TCERG1: variants seen among roughly 807,000 people sequenced by gnomAD.
TCERG1 encodes transcription elongation regulator 1.
TCERG1 carries 37 observed loss-of-function variants against 144.7 expected under a neutral mutation model. The ratio of observed to expected loss-of-function variants is 0.26; its 90% CI spans 0.20 to 0.34. The LOEUF is 0.34. Among genes scored for constraint, TCERG1 ranks in the 10% least tolerant of loss-of-function variants. The pLI is 1.00. For missense variants in TCERG1, 1,027 were observed against 1,380.7 expected, an observed-to-expected ratio of 0.74 and a Z score of 4.06; for synonymous variants, 492 against 458.2, an observed-to-expected ratio of 1.07 and a Z score of -0.94.
chr5:146,482,867 T>C, intron 14 of TCERG1, 140 bp downstream of exon 14: 1 of 1,192,904 alleles, frequency 8.4e-7, no homozygotes, highest in Non-Finnish European at 1.1e-6. Context: ...GTACATTTTT[T>C]GCAACAGCCT....
At chr5:146,509,925 GCACGGGAGGC>G (rs2150953756) in intron 22 of TCERG1, 3 of 519,156 alleles carry the variant, frequency 5.8e-6, no homozygotes, top group Admixed American at 3.7e-5. Context: ...AAGGGTATGT[GCACGGGAGGC>G]TAGATAGTGC....
chr5:146,469,486 T>G, intron 6 of TCERG1, 58 bp from the exon 7 acceptor site: 1 of 1,391,568 alleles, frequency 7.2e-7, no homozygotes, highest in South Asian at 1.5e-5. Context: ...TATTTTAGAG[T>G]TTTATTTTGT....
rs59508893 is a variant in TCERG1, at chr5:146,472,701, T to TTGTGTGTGTGTG, written c.1601+1141_1601+1152dup. Reference sequence around the variant, plus strand: ...AAGGAAGAGTCACATACCTCTCACTTTGTGTGTGTGTGTGTGTGTGTGTGT... The same window carrying TTGTGTGTGTGTG: ...AAGGAAGAGTCACATACCTCTCACTTTGTGTGTGTGTGTGTGTGTGTGTGTGTGTGTGTGTGT... On this transcript the variant is annotated intron_variant, in intron 9 of 22. Coordinates refer to ENST00000679501, the MANE Select transcript of TCERG1 (RefSeq NM_001382548.1). 9.6e-3 allele frequency among the ~76,000 whole-genome samples: 1,400 copies of TTGTGTGTGTGTG among 146,024 alleles called. 19 individuals carry two copies. The highest frequency in any genetic ancestry group is 0.039 in the Admixed American group (573 of 14,636).
intron 21 of TCERG1, among the ~76,000 whole-genome samples, chr5:146,508,502 C>G (rs780726656): frequency 5.9e-5 from 9 of 152,148 alleles, no homozygotes; most frequent in Non-Finnish European, 1.2e-4. Flanking sequence ...ATCTAATATT[C>G]TTCCCCCTCA....
At chr5:146,472,505 C>T (rs1764408599) in intron 9 of TCERG1, among the ~76,000 whole-genome samples, 1 of 152,068 alleles carries the variant, frequency 6.6e-6, no homozygotes, top group Non-Finnish European at 1.5e-5. Flanking sequence ...ACAAACCACA[C>T]CCATGTAAGA....
At position 146,470,675 on chromosome 5, in the gene TCERG1, C is replaced by A; in HGVS notation, c.1439C>A (p.Pro480His). 6.2e-7 allele frequency: 1 copy of A among 1,612,996 alleles called. No homozygotes were observed. Among genetic ancestry groups the A allele is most frequent in the South Asian group, 1.1e-5 (1 of 90,814 alleles). Residue 480 changes from proline to histidine, a missense_variant, in exon 8 of 23, where the codon CCC becomes CAC. Pro to His is a moderately conservative substitution (Grantham distance 77). Coordinates refer to ENST00000679501, the MANE Select transcript of TCERG1 (RefSeq NM_001382548.1). ...EEKIKEPIKE[P>H]SEEPLPMETE... ...AAGATTAAAGAGCCAATTAAAGAAC[C>A]CTCTGAAGAGCCTCTGCCAATGGAG...
chr5:146,468,479 T>G (rs1763987685), intron 6 of TCERG1, 76 bp downstream of exon 6: 4 of 1,437,578 alleles, frequency 2.8e-6, no homozygotes, highest in Non-Finnish European at 2.9e-6. Context: ...TATCCTTTTA[T>G]TTATTTTTTG....
At chr5:146,486,077 T>A (rs1765799991) in intron 15 of TCERG1, among the ~76,000 whole-genome samples, 1 of 151,834 alleles carries the variant, frequency 6.6e-6, no homozygotes, top group African/African-American at 2.4e-5. Flanking sequence ...ATTTGGCATT[T>A]AAAAATAAAC....
In TCERG1 at chr5:146,459,305, C is replaced by A. The variant is rs760752160; in HGVS notation, c.860C>A (p.Thr287Lys). The change falls in exon 4 of 23, where the codon ACA (threonine) becomes AAA (lysine). Residue 287 changes from threonine to lysine, a missense_variant. By Grantham distance (78) the Thr-to-Lys change is moderately conservative. This residue lies in a region of TCERG1 where 187 missense variants were observed against 169.1 expected (regional missense o/e 1.11). Transcript: ENST00000679501. ...CCTTCCTCTACCACTTCTACCACAA[C>A]AACTGCTACTTCAGTTGCGCAGACA... ...STPSSTTSTTTTATSVAQTVS... is the reference protein window; with the variant it reads ...STPSSTTSTTKTATSVAQTVS... 6.2e-7 allele frequency: 1 copy of A among 1,614,226 alleles called. No homozygotes were observed. The highest frequency in any genetic ancestry group is 8.5e-7 in the Non-Finnish European group (1 of 1,180,032).
At chr5:146,496,379 G>C (rs1329638446) in intron 16 of TCERG1, among the ~76,000 whole-genome samples, 2 of 151,926 alleles carry the variant, frequency 1.3e-5, no homozygotes, top group Non-Finnish European at 2.9e-5. Flanking sequence ...ACATATATTA[G>C]TGTTTGATAT....
chr5:146,469,096 A>G (rs960017616), intron 6 of TCERG1, among the ~76,000 whole-genome samples: 1 of 152,176 alleles, frequency 6.6e-6, no homozygotes, highest in Non-Finnish European at 1.5e-5. Flanking sequence ...CATTTGCTAT[A>G]AAACTGAGAA....
intron 1 of TCERG1, among the ~76,000 whole-genome samples, chr5:146,450,057 A>G (rs1177983476): frequency 6.6e-6 from 1 of 152,246 alleles, no homozygotes; most frequent in Admixed American, 6.5e-5. Context: ...CCATGCTGGT[A>G]TATAGGAACT....
intron 16 of TCERG1, among the ~76,000 whole-genome samples, chr5:146,494,255 G>C (rs561639426): frequency 9.2e-5 from 14 of 152,166 alleles, no homozygotes; most frequent in African/African-American, 3.4e-4. Flanking sequence ...TAATTTTCTT[G>C]GGTATTGTGG....
intron 5 of TCERG1, among the ~76,000 whole-genome samples, chr5:146,468,012 C>A (rs1002682411): frequency 5.3e-5 from 8 of 152,098 alleles, no homozygotes; most frequent in Non-Finnish European, 1.5e-5. Context: ...GGTTTGATGT[C>A]CTGTGGGAAA....
rs186389497 is a variant in TCERG1 at position 146,473,866 on chromosome 5, G to A, written c.1601+2290G>A. Among the ~76,000 whole-genome samples the A allele has an allele frequency of 8.5e-5, 13 of 152,272 alleles. No individual in the cohort carries two copies. The East Asian group carries it at 2.3e-3, about 27-fold the overall frequency. ...AAGCACCTCTTCACCCAAGAGCTGTGATGGAAATGTACAAGGAGATGAATG... is the reference window on the plus strand; with the variant it reads ...AAGCACCTCTTCACCCAAGAGCTGTAATGGAAATGTACAAGGAGATGAATG... On this transcript the variant is annotated intron_variant, in intron 9 of 22. Transcript: ENST00000679501.
chr5:146,447,493 C>A, intron 1 of TCERG1, 85 bp downstream of exon 1: 1 of 1,515,064 alleles, frequency 6.6e-7, no homozygotes, highest in Non-Finnish European at 8.9e-7. Context: ...AGATCCGGGG[C>A]GGACGGTGGG....
At chr5:146,456,539 A>G (rs1029488545) in intron 2 of TCERG1, among the ~76,000 whole-genome samples, 1 of 152,178 alleles carries the variant, frequency 6.6e-6, no homozygotes, top group Non-Finnish European at 1.5e-5. Context: ...TATAACCTAG[A>G]TCTGGTGTGC....
In TCERG1 at chr5:146,454,968, T is replaced by C. The variant is rs1267296491; in HGVS notation, c.60-88T>C. 4 of 1,420,644 alleles carry C rather than the reference T, an allele frequency of 2.8e-6. No homozygotes were observed. The Admixed American group carries it at 6.1e-5, about 22-fold the overall frequency. The allele number at this position is 1,420,644 out of a possible 1,614,324, so 88.0% of individuals were successfully genotyped here. On this transcript the variant is annotated intron_variant, in intron 1 of 22. Coordinates refer to ENST00000679501, the MANE Select transcript of TCERG1 (RefSeq NM_001382548.1). ...CAACTCCACTTAGACTTAAGAACCT[T>C]TTAAATTTGATGGATGTAATTAGAG...
Position 146,455,235 on chromosome 5 carries a change from C to T in TCERG1, c.239C>T (p.Pro80Leu), listed in dbSNP as rs1364055617. 6.2e-7 allele frequency: 1 copy of T among 1,614,112 alleles called. No individual in the cohort carries two copies. The highest frequency in any genetic ancestry group is 8.5e-7 in the Non-Finnish European group (1 of 1,180,058). Residue 80 changes from proline (P) to leucine (L), a missense_variant, in exon 2 of 23, where the codon CCT (proline) becomes CTT (leucine). Transcript: ENST00000679501. ...TTTGATCCTAATATGCCGCCAATGC[C>T]TCCTCCAGGAGGGATACCTCCACCT... is the stretch of plus-strand genomic sequence containing the variant. ...PPFDPNMPPM[P>L]PPGGIPPPMG...
Sources: allele counts gnomAD v4.1 joint callset (sites outside exome capture counted in the v4.1 genomes callset), GRCh38; gene constraint gnomAD v4.1.1; regional missense constraint gnomAD v4.1.1; transcripts MANE v1.5; gene names NCBI Gene and HGNC (gene_info 2026-07-23, HGNC 2026-07-21).